Variants in TADA2B observed in about 807,000 individuals in gnomAD.
TADA2B encodes the protein transcriptional adapter 2-beta.
Under a neutral mutation model 34.5 loss-of-function variants are expected in TADA2B, and 13 were observed. The ratio of observed to expected loss-of-function variants is 0.38; its 90% CI spans 0.25 to 0.60. TADA2B has a LOEUF of 0.60. TADA2B is among the 20% of genes least tolerant of loss of function. The pLI is 0.65. For missense variants in TADA2B, 442 were observed against 575.0 expected (o/e 0.77, Z 2.37); for synonymous variants, 240 against 243.4 (o/e 0.99, Z 0.13).
At chr4:7,049,371 T>C (rs1723713504) in intron 1 of TADA2B, among the ~76,000 whole-genome samples, 1 of 152,240 alleles carries the variant, frequency 6.6e-6, no homozygotes, top group Admixed American at 6.5e-5. Flanking sequence ...CCTGGCCTTG[T>C]GTGTGATTTT....
rs1311366472 is a variant in TADA2B at position 7,057,576 on chromosome 4, C to G, written c.*2522C>G. On this transcript the variant is annotated 3_prime_UTR_variant, in exon 2 of 2. Coordinates refer to ENST00000310074, the MANE Select transcript of TADA2B (RefSeq NM_152293.3). ...GGCCAAGGCGGGCTGATCACGAGGT[C>G]AAGAGATCGAGACCATCCTGGCCAA... is the stretch of plus-strand genomic sequence containing the variant. 1 of 152,276 alleles carries G rather than the reference C, an allele frequency of 6.6e-6. No individual in the cohort carries two copies. Among genetic ancestry groups the G allele is most frequent in the Non-Finnish European group, 1.5e-5 (1 of 68,086 alleles). The allele number at this position is 152,276 out of a possible 1,614,324, so 9.4% of individuals were successfully genotyped here.
Position 7,054,176 on chromosome 4 carries a change from C to G in TADA2B, c.385C>G (p.Pro129Ala). The G allele has an allele frequency of 6.2e-7, 1 of 1,605,980 alleles. No homozygotes were observed. The highest frequency in any genetic ancestry group is 8.5e-7 in the Non-Finnish European group (1 of 1,176,444). ...LGKACIPDTI[P>A]NRVTDHTCPS... Reference sequence around the variant, plus strand: ...GAAGGCCTGCATCCCCGACACCATCCCCAACCGCGTGACAGACCACACCTG... The same window carrying G: ...GAAGGCCTGCATCCCCGACACCATCGCCAACCGCGTGACAGACCACACCTG... Residue 129 changes from proline (P) to alanine (A), a missense_variant, in exon 2 of 2, where the codon CCC becomes GCC. Physicochemically the swap from Pro to Ala is conservative, Grantham distance 27 (BLOSUM62 -1). Coordinates refer to ENST00000310074, the MANE Select transcript of TADA2B (RefSeq NM_152293.3).
At position 7,054,196 on chromosome 4, in the gene TADA2B, C is replaced by T. The variant is rs774776978; in HGVS notation, c.405C>T (p.His135=). 8 of 1,606,832 alleles carry T rather than the reference C, an allele frequency of 5.0e-6. No individual in the cohort carries two copies. Among genetic ancestry groups the T allele is most frequent in the Admixed American group, 3.4e-5 (2 of 59,034 alleles). ...PDTIPNRVTD[H]TCPSGGPLSP... ...CCATCCCCAACCGCGTGACAGACCA[C>T]ACCTGTCCCAGCGGAGGCCCCCTCT... Residue 135 remains histidine (H), a synonymous_variant, in exon 2 of 2, where the codon CAC becomes CAT. Transcript: ENST00000310074.
chr4:7,055,011 A>G lies in TADA2B; in HGVS notation c.1220A>G (p.Asn407Ser). ...AAAGTCCTAAAGAAAAGGATTTTGAATTTCCTCACAGAAAGCGGCTGGATC... is the reference window on the plus strand; with the variant it reads ...AAAGTCCTAAAGAAAAGGATTTTGAGTTTCCTCACAGAAAGCGGCTGGATC... ...LDKVLKKRIL[N>S]FLTESGWISR... The change falls in exon 2 of 2, where the codon AAT becomes AGT. Residue 407 changes from asparagine to serine, a missense_variant. Physicochemically the swap from Asn to Ser is conservative, Grantham distance 46. Transcript: ENST00000310074. 1.9e-6 allele frequency: 3 copies of G among 1,611,908 alleles called. No homozygotes were observed. Among genetic ancestry groups the G allele is most frequent in the Non-Finnish European group, 2.5e-6 (3 of 1,179,440 alleles).
At position 7,054,934 on chromosome 4, in the gene TADA2B, C is replaced by A. The variant is rs773462565; in HGVS notation, c.1143C>A (p.Leu381=). ...AGACTATTATAATTAAAGACCACCT[C>A]CAGAAGCGGCAAGGAATCCCCTCCA... ...TVKTIIIKDH[L]QKRQGIPSKS... Residue 381 remains leucine, a synonymous_variant, in exon 2 of 2, where the codon CTC becomes CTA. Coordinates refer to ENST00000310074, the MANE Select transcript of TADA2B (RefSeq NM_152293.3). 6.2e-7 allele frequency: 1 copy of A among 1,613,918 alleles called. No homozygotes were observed.
intron 1 of TADA2B, among the ~76,000 whole-genome samples, chr4:7,047,169 C>T (rs921867331): frequency 1.3e-5 from 2 of 152,126 alleles, no homozygotes; most frequent in African/African-American, 4.8e-5. Flanking sequence ...GGAACACAGA[C>T]GCAAACACAG....
At chr4:7,050,356 GC>G (rs1349460218) in intron 1 of TADA2B, among the ~76,000 whole-genome samples, 3 of 152,254 alleles carry the variant, frequency 2.0e-5, no homozygotes, top group African/African-American at 7.2e-5. Flanking sequence ...CCCGCTGAAT[GC>G]CCTTCCCTGG....
At chr4:7,052,959 T>C (rs1723802850) in intron 1 of TADA2B, 1 of 152,290 alleles carries the variant, frequency 6.6e-6, no homozygotes, top group African/African-American at 2.4e-5. Context: ...AAGCCCCAGC[T>C]GTGGGATCCC....
chr4:7,052,735 G>A (rs1415140688), intron 1 of TADA2B: 1 of 69,756 alleles, frequency 1.4e-5, no homozygotes, highest in East Asian at 4.2e-4. Flanking sequence ...AAAATGAACA[G>A]ATTTGCTACA....
chr4:7,050,335 TGAGAGCTCTGCCCGCTG>T (rs1395707353), intron 1 of TADA2B, among the ~76,000 whole-genome samples: 3 of 152,232 alleles, frequency 2.0e-5, no homozygotes, highest in African/African-American at 7.2e-5. Context: ...AGCTGCTCCT[TGAGAGCTCTGCCCGCTG>T]AATGCCCTTC....
intron 1 of TADA2B, 187 bp from the exon 2 acceptor site, chr4:7,053,875 C>T: frequency 3.2e-6 from 2 of 621,286 alleles, no homozygotes; most frequent in Non-Finnish European, 5.5e-6. Flanking sequence ...GTTGCTTCAA[C>T]ATTGTCATCT....
rs1435417028 is a variant in TADA2B at position 7,054,352 on chromosome 4, G to C, written c.561G>C (p.Gly187=). The C allele has an allele frequency of 3.7e-6, 6 of 1,613,424 alleles. No individual in the cohort carries two copies. The African/African-American group carries it at 4.0e-5, about 11-fold the overall frequency. The change falls in exon 2 of 2, where the codon GGG becomes GGC. Residue 187 remains glycine (G), a synonymous_variant. Coordinates refer to ENST00000310074, the MANE Select transcript of TADA2B (RefSeq NM_152293.3). Reference sequence around the variant, plus strand: ...AGGATGCCGAGACGCTCATCAGCGGGCTCTCTGTCAACTATGATGACGACG... The same window carrying C: ...AGGATGCCGAGACGCTCATCAGCGGCCTCTCTGTCAACTATGATGACGACG... ...YDQDAETLIS[G]LSVNYDDDDV... is the part of the protein sequence containing the mutation.
rs1026718320 is a variant in TADA2B, at chr4:7,055,463, C to A, written c.*409C>A. ...CCTGGTGACACAAGCTCTTCTCAGG[C>A]GGGGCTGCCTGCAGGCTCCCGTTTT... is the stretch of plus-strand genomic sequence containing the variant. On this transcript the variant is annotated 3_prime_UTR_variant, in exon 2 of 2. Coordinates refer to ENST00000310074, the MANE Select transcript of TADA2B (RefSeq NM_152293.3). 3 of 165,164 alleles carry A rather than the reference C, an allele frequency of 1.8e-5. No homozygotes were observed. The East Asian group carries it at 5.3e-4, about 29-fold the overall frequency. The allele number at this position is 165,164 out of a possible 1,614,324, so 10.2% of individuals were successfully genotyped here.
chr4:7,055,297 G>A lies in TADA2B; in HGVS notation c.*243G>A. ...CCTGCGAGTCATACACTGCGATGAT[G>A]CTCCGCCTTTACCCGTTCAGTTGGG... On this transcript the variant is annotated 3_prime_UTR_variant, in exon 2 of 2. Coordinates refer to ENST00000310074, the MANE Select transcript of TADA2B (RefSeq NM_152293.3). 5.9e-6 allele frequency: 3 copies of A among 509,028 alleles called. No individual in the cohort carries two copies. The highest frequency in any genetic ancestry group is 1.9e-5 in the African/African-American group (1 of 52,062). 31.5% of individuals were successfully genotyped at this position (509,028 alleles called of 1,614,324 possible). A position where few individuals can be genotyped will look rare whatever the true frequency, so the allele number is the denominator to read the frequency against.
intron 1 of TADA2B, chr4:7,052,924 C>T (rs954076019): frequency 6.6e-6 from 1 of 152,306 alleles, no homozygotes; most frequent in African/African-American, 2.4e-5. Context: ...TCCAGCACCT[C>T]GGCTCCAGGC....
chr4:7,044,464 TG>T (rs977465340), intron 1 of TADA2B, among the ~76,000 whole-genome samples: 10 of 152,258 alleles, frequency 6.6e-5, no homozygotes, highest in African/African-American at 2.4e-4. Flanking sequence ...GCCTGGGGCT[TG>T]GGTTTTGCTC....
At chr4:7,050,963 C>T (rs1044067850) in intron 1 of TADA2B, among the ~76,000 whole-genome samples, 2 of 152,336 alleles carry the variant, frequency 1.3e-5, no homozygotes, top group Non-Finnish European at 2.9e-5. Flanking sequence ...GGCAGGGGCT[C>T]ACCCTCAGGT....
chr4:7,054,527 C>T lies in TADA2B; in HGVS notation c.736C>T (p.Arg246Cys), dbSNP rs1295696968. 6.2e-7 allele frequency: 1 copy of T among 1,613,796 alleles called. No individual in the cohort carries two copies. The highest frequency in any genetic ancestry group is 8.5e-7 in the Non-Finnish European group (1 of 1,179,912). ...GAAGGAGAAGGAAAAGGCGCTGAAGCGCAAGATCACCAAGGAGGAGAAGGA... is the reference window on the plus strand; with the variant it reads ...GAAGGAGAAGGAAAAGGCGCTGAAGTGCAAGATCACCAAGGAGGAGAAGGA... Reference protein sequence around the residue: ...DKKEKEKALKRKITKEEKELR... With the variant: ...DKKEKEKALKCKITKEEKELR... The change falls in exon 2 of 2, where the codon CGC (arginine) becomes TGC (cysteine). Residue 246 changes from arginine (R) to cysteine (C), a missense_variant. Coordinates refer to ENST00000310074, the MANE Select transcript of TADA2B (RefSeq NM_152293.3).
rs1360048528 is a variant in TADA2B, at chr4:7,057,394, G to A, written c.*2340G>A. On this transcript the variant is annotated 3_prime_UTR_variant, in exon 2 of 2. Transcript: ENST00000310074. ...GCCTGTTAGCCCATCGACTATTCCCGTCACGGTAGTCCTTACCTCTGTCGG... is the reference window on the plus strand; with the variant it reads ...GCCTGTTAGCCCATCGACTATTCCCATCACGGTAGTCCTTACCTCTGTCGG... 2.0e-5 allele frequency: 3 copies of A among 152,218 alleles called. No homozygotes were observed. The highest frequency in any genetic ancestry group is 4.8e-5 in the African/African-American group (2 of 41,454). 9.4% of individuals were successfully genotyped at this position (152,218 alleles called of 1,614,324 possible).
Sources: gnomAD v4.1 joint callset for allele counts (sites outside exome capture counted in the v4.1 genomes callset) on GRCh38, gnomAD v4.1.1 for gene constraint, MANE v1.5 for transcripts, NCBI Gene and HGNC (gene_info 2026-07-23, HGNC 2026-07-21) for gene names.